Variants in ZDBF2 observed in about 807,000 individuals in gnomAD.
ZDBF2 encodes the protein DBF4-type zinc finger-containing protein 2.
ZDBF2 carries 6 observed loss-of-function variants against 9.4 expected under a neutral mutation model. The ratio of observed to expected loss-of-function variants is 0.64; its 90% confidence interval spans 0.35 to 1.27. ZDBF2 has a LOEUF of 1.27. Ranked by LOEUF, ZDBF2 falls within the 50% of genes most tolerant of loss-of-function variation. The pLI, the probability that ZDBF2 is intolerant of heterozygous loss-of-function variation, is 0.03. For missense variants in ZDBF2, 2,697 were observed against 2,766.8 expected (o/e 0.97, Z 0.57); for synonymous variants, 905 against 946.3 (o/e 0.96, Z 0.80).
Position 206,311,151 on chromosome 2 carries a change from C to T in ZDBF2, c.6623C>T (p.Ser2208Leu). 3 of 1,613,378 alleles carry T rather than the reference C, an allele frequency of 1.9e-6. No individual in the cohort carries two copies. Among genetic ancestry groups the T allele is most frequent in the Non-Finnish European group, 2.5e-6 (3 of 1,179,754 alleles). Residue 2208 changes from serine (S) to leucine (L), a missense_variant, in exon 5 of 5, where the codon TCA becomes TTA. Physicochemically the swap from Ser to Leu is moderately radical, Grantham distance 145 (BLOSUM62 -2). Transcript: ENST00000374423. ...CTCCAGCAAAAACCCAGAAAAGCTT[C>T]AGAGAAACAGTCAATTTGGATTCGG... Reference protein sequence around the residue: ...IILQQKPRKASEKQSIWIRTK... With the variant: ...IILQQKPRKALEKQSIWIRTK...
At chr2:206,276,409 A>G (rs1280741983) in intron 1 of ZDBF2, among the ~76,000 whole-genome samples, 2 of 152,244 alleles carry the variant, frequency 1.3e-5, no homozygotes, top group Non-Finnish European at 2.9e-5. Context: ...AGAGTCGCTA[A>G]TCCAAGGTAC....
At position 206,298,913 on chromosome 2, in the gene ZDBF2, G is replaced by A. The variant is rs527884376; in HGVS notation, c.188+1540G>A. Among the ~76,000 whole-genome samples the A allele has an allele frequency of 2.6e-4, 40 of 151,414 alleles. No individual in the cohort carries two copies. The East Asian group carries it at 3.3e-3, about 13-fold the overall frequency. ...CTTTTTTTTTTGAGACAGAGTCTCGGTCTGTTGGCCAGGCTGTAGTGCTAT... is the reference window on the plus strand; with the variant it reads ...CTTTTTTTTTTGAGACAGAGTCTCGATCTGTTGGCCAGGCTGTAGTGCTAT... On this transcript the variant is annotated intron_variant, in intron 4 of 4. Transcript: ENST00000374423.
Position 206,311,481 on chromosome 2 carries a change from G to T in ZDBF2, c.6953G>T (p.Gly2318Val). ...GAAAGCTACCATGGCCGACAGAAAG[G>T]TCCTTCTACACCTGTGAGAGCATAT... is the stretch of plus-strand genomic sequence containing the variant. ...TDESYHGRQKGPSTPVRAYDL... is the reference protein window; with the variant it reads ...TDESYHGRQKVPSTPVRAYDL... The change falls in exon 5 of 5, where the codon GGT becomes GTT. Residue 2318 changes from glycine to valine, a missense_variant. This residue lies in a region of ZDBF2 where 1,783 missense variants were observed against 1,776.5 expected (regional missense o/e 1.00). Coordinates refer to ENST00000374423, the MANE Select transcript of ZDBF2 (RefSeq NM_020923.3). 1.2e-6 allele frequency: 2 copies of T among 1,611,214 alleles called. No individual in the cohort carries two copies. Among genetic ancestry groups the T allele is most frequent in the African/African-American group, 2.7e-5 (2 of 74,864 alleles).
At position 206,307,699 on chromosome 2, in the gene ZDBF2, A is replaced by G. The variant is rs1692889157; in HGVS notation, c.3171A>G (p.Gln1057=). The G allele has an allele frequency of 1.2e-6, 2 of 1,613,556 alleles. No individual in the cohort carries two copies. Among genetic ancestry groups the G allele is most frequent in the African/African-American group, 1.3e-5 (1 of 75,044 alleles). ...CTCAGTCAATGACTGACCAACCTCA[A>G]CTAGCTTTTTTGAAGGAAAAACATG... ...VPPQSMTDQP[Q]LAFLKEKHVN... is the part of the protein sequence containing the mutation. Residue 1057 remains glutamine (Q), a synonymous_variant, in exon 5 of 5, where the codon CAA becomes CAG. Coordinates refer to ENST00000374423, the MANE Select transcript of ZDBF2 (RefSeq NM_020923.3).
chr2:206,309,702 A>AT lies in ZDBF2; in HGVS notation c.5175dup (p.Lys1726Ter), dbSNP rs1320916774. 9.9e-6 allele frequency: 16 copies of AT among 1,613,796 alleles called. No individual in the cohort carries two copies. Among genetic ancestry groups the AT allele is most frequent in the African/African-American group, 1.3e-5 (1 of 74,906 alleles). ...AAGTCAGCGCTCCATCGAAGGGCTG[A>AT]TAAAAAAAAACGTTCGAAGCTAAAA... On this transcript the variant is annotated frameshift_variant, in exon 5 of 5. Transcript: ENST00000374423. LOFTEE classifies it low-confidence loss of function (END_TRUNC).
chr2:206,281,769 T>C, intron 2 of ZDBF2, 32 bp from the exon 3 acceptor site: 2 of 1,362,060 alleles, frequency 1.5e-6, no homozygotes, highest in South Asian at 2.5e-5. Context: ...TAAGGAATTA[T>C]GATTTTTACC....
At chr2:206,299,834 G>A (rs974288505) in intron 4 of ZDBF2, among the ~76,000 whole-genome samples, 10 of 151,466 alleles carry the variant, frequency 6.6e-5, no homozygotes, top group East Asian at 1.9e-4. Context: ...CAAGCTGGAC[G>A]CAGTGGCTCA....
rs1350314597 is a variant in ZDBF2 at position 206,310,383 on chromosome 2, A to G, written c.5855A>G (p.Asn1952Ser). The change falls in exon 5 of 5, where the codon AAT (asparagine) becomes AGT (serine). Residue 1952 changes from asparagine (N) to serine (S), a missense_variant. Physicochemically the swap from Asn to Ser is conservative, Grantham distance 46. Transcript: ENST00000374423. ...CATAGTACTCAGACCAGTTGTAAGA[A>G]TTACCCAGTGATGAAAAGAAAAATA... is the stretch of plus-strand genomic sequence containing the variant. ...ISHSTQTSCKNYPVMKRKIIR... is the reference protein window; with the variant it reads ...ISHSTQTSCKSYPVMKRKIIR... 1.2e-6 allele frequency: 2 copies of G among 1,613,998 alleles called. No individual in the cohort carries two copies. The highest frequency in any genetic ancestry group is 1.7e-6 in the Non-Finnish European group (2 of 1,179,884).
rs1322700019 is a variant in ZDBF2 at position 206,305,672 on chromosome 2, G to A, written c.1144G>A (p.Ala382Thr). 8 of 1,613,514 alleles carry A rather than the reference G, an allele frequency of 5.0e-6. No individual in the cohort carries two copies. Among genetic ancestry groups the A allele is most frequent in the Non-Finnish European group, 6.8e-6 (8 of 1,179,780 alleles). Residue 382 changes from alanine (A) to threonine (T), a missense_variant, in exon 5 of 5, where the codon GCA becomes ACA. Ala to Thr is a moderately conservative substitution (Grantham distance 58). Around this residue, in one of 3 missense-constraint regions of ZDBF2, gnomAD observed 910 missense variants for 973.6 expected, o/e 0.93. Coordinates refer to ENST00000374423, the MANE Select transcript of ZDBF2 (RefSeq NM_020923.3). ...QSASDQPQETAQDLSLWKEEQ... is the reference protein window; with the variant it reads ...QSASDQPQETTQDLSLWKEEQ... Reference sequence around the variant, plus strand: ...AGCATCTGATCAGCCCCAAGAGACTGCACAAGACTTAAGTCTTTGGAAGGA... The same window carrying A: ...AGCATCTGATCAGCCCCAAGAGACTACACAAGACTTAAGTCTTTGGAAGGA...
chr2:206,306,794 C>G lies in ZDBF2; in HGVS notation c.2266C>G (p.Pro756Ala). Residue 756 changes from proline to alanine, a missense_variant, in exon 5 of 5, where the codon CCG (proline) becomes GCG (alanine). Pro to Ala is a conservative substitution (Grantham distance 27). Transcript: ENST00000374423. ...SSSELTFDSD[P>A]PLLSVTEQSH... ...CTCTGAGTTGACTTTTGATTCTGAC[C>G]CGCCTCTTCTGTCAGTTACTGAGCA... 6.2e-7 allele frequency: 1 copy of G among 1,613,770 alleles called. No homozygotes were observed. The highest frequency in any genetic ancestry group is 1.7e-5 in the Admixed American group (1 of 60,008).
At chr2:206,300,722 A>G (rs1574408202) in intron 4 of ZDBF2, among the ~76,000 whole-genome samples, 1 of 152,202 alleles carries the variant, frequency 6.6e-6, no homozygotes, top group East Asian at 1.9e-4. Flanking sequence ...ACTTTTGCCC[A>G]CTGATTTTAT....
In ZDBF2 at chr2:206,307,479, A is replaced by G. The variant is rs757846149; in HGVS notation, c.2951A>G (p.Lys984Arg). ...IVKETWLQREKHAEFQGRSTE... is the reference protein window; with the variant it reads ...IVKETWLQRERHAEFQGRSTE... ...AAAGAAACATGGCTTCAAAGAGAAA[A>G]GCACGCTGAATTCCAAGGTAGAAGT... The change falls in exon 5 of 5, where the codon AAG (lysine) becomes AGG (arginine). Residue 984 changes from lysine to arginine, a missense_variant. Physicochemically the swap from Lys to Arg is conservative, Grantham distance 26. This residue lies in a region of ZDBF2 where 1,783 missense variants were observed against 1,776.5 expected (regional missense o/e 1.00). Transcript: ENST00000374423. 1.9e-6 allele frequency: 3 copies of G among 1,613,082 alleles called. No individual in the cohort carries two copies. The highest frequency in any genetic ancestry group is 2.5e-6 in the Non-Finnish European group (3 of 1,179,526).
At chr2:206,289,300 G>A (rs1691763555) in intron 3 of ZDBF2, among the ~76,000 whole-genome samples, 1 of 152,076 alleles carries the variant, frequency 6.6e-6, no homozygotes, top group South Asian at 2.1e-4. Flanking sequence ...TAGGTATTGG[G>A]GTGTGTGACT....
In ZDBF2 at chr2:206,307,866, C is replaced by T. The variant is rs1448055744; in HGVS notation, c.3338C>T (p.Thr1113Ile). The T allele has an allele frequency of 6.2e-7, 1 of 1,613,458 alleles. No individual in the cohort carries two copies. The highest frequency in any genetic ancestry group is 1.7e-5 in the Admixed American group (1 of 59,920). The change falls in exon 5 of 5, where the codon ACT becomes ATT. Residue 1113 changes from threonine (T) to isoleucine (I), a missense_variant. Transcript: ENST00000374423. ...AAAAATAAGATTAATGAACCTAGTA[C>T]TTATAAATTAATACATCATCCTGAT... ...GLKNKINEPSTYKLIHHPDVS... is the reference protein window; with the variant it reads ...GLKNKINEPSIYKLIHHPDVS...
chr2:206,287,786 C>G (rs1691677638), intron 3 of ZDBF2, among the ~76,000 whole-genome samples: 1 of 151,960 alleles, frequency 6.6e-6, no homozygotes, highest in Non-Finnish European at 1.5e-5. Context: ...TGGGTAATTT[C>G]AAATGACTGA....
intron 3 of ZDBF2, among the ~76,000 whole-genome samples, chr2:206,292,303 A>G (rs1376209804): frequency 6.6e-6 from 1 of 152,202 alleles, no homozygotes; most frequent in Non-Finnish European, 1.5e-5. Context: ...TCTCTTACCA[A>G]AATAGACTAT....
chr2:206,311,206 T>C lies in ZDBF2; in HGVS notation c.6678T>C (p.Tyr2226=), dbSNP rs1385729789. Residue 2226 remains tyrosine (Y), a synonymous_variant, in exon 5 of 5, where the codon TAT becomes TAC. Coordinates refer to ENST00000374423, the MANE Select transcript of ZDBF2 (RefSeq NM_020923.3). ...AACCAAGTGATATCATTAGAAAGTA[T>C]ATTTCGAAATACTCTGTCTTTTTAC... ...RTKPSDIIRK[Y]ISKYSVFLRH... is the part of the protein sequence containing the mutation. The C allele has an allele frequency of 1.9e-6, 3 of 1,612,366 alleles. No homozygotes were observed. The highest frequency in any genetic ancestry group is 1.7e-5 in the Admixed American group (1 of 59,650).
chr2:206,313,499 A>G lies in ZDBF2; in HGVS notation c.*1906A>G, dbSNP rs1161912631. On this transcript the variant is annotated 3_prime_UTR_variant, in exon 5 of 5. Transcript: ENST00000374423. ...GTCCTACTGACTAGGAAGTAAACAA[A>G]CAGCTGATATATAAGATATTTGTGG... 2 of 152,176 alleles carry G rather than the reference A, an allele frequency of 1.3e-5. No individual in the cohort carries two copies. The highest frequency in any genetic ancestry group is 6.5e-5 in the Admixed American group (1 of 15,280). The allele number at this position is 152,176 out of a possible 1,614,324, so 9.4% of individuals were successfully genotyped here. A position where few individuals can be genotyped will look rare whatever the true frequency, so the allele number is the denominator to read the frequency against.
chr2:206,275,886 A>G (rs931273868), intron 1 of ZDBF2, among the ~76,000 whole-genome samples: 24 of 152,192 alleles, frequency 1.6e-4, no homozygotes, highest in African/African-American at 5.8e-4. Flanking sequence ...CCTTTTCTCT[A>G]TCGTTTGAAC....
Sources: allele counts gnomAD v4.1 joint callset (sites outside exome capture counted in the v4.1 genomes callset), GRCh38; gene constraint gnomAD v4.1.1; regional missense constraint gnomAD v4.1.1; transcripts MANE v1.5; gene names NCBI Gene and HGNC (gene_info 2026-07-23, HGNC 2026-07-21).